LYPLAL1: variants seen among roughly 807,000 people sequenced by gnomAD.
LYPLAL1 encodes lysophospholipase like 1.
In LYPLAL1, 23 loss-of-function variants were observed where a neutral mutation model predicts 19.7. The observed-to-expected ratio is 1.17, with a 90% CI of 0.84 to 1.65. The LOEUF (loss-of-function observed/expected upper bound fraction) is 1.65, where lower values mean the gene tolerates loss of function less well. Among genes scored for constraint, LYPLAL1 ranks in the 40% most tolerant of loss-of-function variants. The pLI, the probability that LYPLAL1 is intolerant of heterozygous loss-of-function variation, is 0.00. For synonymous variants in LYPLAL1, 119 were observed against 96.3 expected, an observed-to-expected ratio of 1.24 and a Z score of -1.38; for missense variants, 355 against 279.4, an observed-to-expected ratio of 1.27 and a Z score of -1.93.
At chr1:219,360,425 C>G in the LYPLAL1 span, among the ~76,000 whole-genome samples, 1 of 152,060 alleles carries the variant, frequency 6.6e-6, no homozygotes, top group African/African-American at 2.4e-5. Flanking sequence ...AATTCGTACT[C>G]GTAGACATCG....
the LYPLAL1 span, among the ~76,000 whole-genome samples, chr1:219,219,623 A>T: frequency 6.6e-6 from 1 of 152,210 alleles, no homozygotes; most frequent in African/African-American, 2.4e-5. Flanking sequence ...GTTGGGTGGC[A>T]TCTGTCCATA....
At chr1:219,290,138 T>C in the LYPLAL1 span, among the ~76,000 whole-genome samples, 1 of 152,204 alleles carries the variant, frequency 6.6e-6, no homozygotes, top group Non-Finnish European at 1.5e-5. Context: ...ATCAGAATGC[T>C]CAGGTGTGAT....
At chr1:219,375,148 A>G in the LYPLAL1 span, among the ~76,000 whole-genome samples, 26,714 of 152,128 alleles carry the variant, frequency 0.18, 2,463 homozygotes, top group Non-Finnish European at 0.2. Context: ...AATACAGTAG[A>G]CAGATTAAAA....
At chr1:219,364,786 A>G in the LYPLAL1 span, among the ~76,000 whole-genome samples, 3 of 152,142 alleles carry the variant, frequency 2.0e-5, no homozygotes, top group East Asian at 5.8e-4. Flanking sequence ...AAATATAGTG[A>G]GTCTTTAATT....
chr1:219,377,664 T>A, the LYPLAL1 span, among the ~76,000 whole-genome samples: 14 of 152,268 alleles, frequency 9.2e-5, no homozygotes, highest in East Asian at 2.7e-3. Context: ...AATGGATACT[T>A]ATCTAAAATA....
the LYPLAL1 span, among the ~76,000 whole-genome samples, chr1:219,331,316 A>G: frequency 3.9e-5 from 6 of 152,288 alleles, no homozygotes; most frequent in East Asian, 1.9e-4. Context: ...ATAATGTCGC[A>G]TAATAAGCCA....
chr1:219,329,799 T>C, the LYPLAL1 span, among the ~76,000 whole-genome samples: 1 of 152,170 alleles, frequency 6.6e-6, no homozygotes, highest in Admixed American at 6.6e-5. Flanking sequence ...TAGAAAGAAC[T>C]TGAGTTTCAA....
chr1:219,278,336 A>G, the LYPLAL1 span, among the ~76,000 whole-genome samples: 1 of 152,212 alleles, frequency 6.6e-6, no homozygotes, highest in Non-Finnish European at 1.5e-5. Context: ...AGAGAAAGAG[A>G]AAGGGAGAGA....
At chr1:219,434,295 C>CA in the LYPLAL1 span, among the ~76,000 whole-genome samples, 2 of 152,206 alleles carry the variant, frequency 1.3e-5, no homozygotes, top group Non-Finnish European at 1.5e-5. Context: ...TTAGAGTGAA[C>CA]AATGCTTTGA....
the LYPLAL1 span, among the ~76,000 whole-genome samples, chr1:219,370,028 T>C: frequency 2.6e-5 from 4 of 152,236 alleles, no homozygotes; most frequent in Non-Finnish European, 5.9e-5. Flanking sequence ...CAGCTGTGAC[T>C]CTGTGGCTCC....
the LYPLAL1 span, among the ~76,000 whole-genome samples, chr1:219,281,379 T>C: frequency 6.6e-6 from 1 of 151,930 alleles, no homozygotes; most frequent in Non-Finnish European, 1.5e-5. Flanking sequence ...TATTTGAAAA[T>C]TGGAAAACAG....
At chr1:219,250,383 C>T in the LYPLAL1 span, among the ~76,000 whole-genome samples, 5 of 151,928 alleles carry the variant, frequency 3.3e-5, no homozygotes, top group Admixed American at 6.6e-5. Context: ...AGCGATGGCT[C>T]AAAGCATTAA....
chr1:219,416,302 G>A, the LYPLAL1 span, among the ~76,000 whole-genome samples: 16 of 152,134 alleles, frequency 1.1e-4, no homozygotes, highest in Non-Finnish European at 2.4e-4. Flanking sequence ...TGTTTCTGAG[G>A]ACCATGACAG....
At chr1:219,181,246 A>C (rs1337148631) in intron 2 of LYPLAL1, among the ~76,000 whole-genome samples, 2 of 152,180 alleles carry the variant, frequency 1.3e-5, no homozygotes, top group Non-Finnish European at 2.9e-5. Context: ...GATGCTAAAT[A>C]ATTACACTGA....
the LYPLAL1 span, among the ~76,000 whole-genome samples, chr1:219,260,634 A>G: frequency 6.7e-6 from 1 of 148,526 alleles, no homozygotes; most frequent in East Asian, 1.9e-4. Context: ...TAAATTTTAT[A>G]TGTATATAAA....
At chr1:219,421,807 C>T in the LYPLAL1 span, among the ~76,000 whole-genome samples, 1 of 151,870 alleles carries the variant, frequency 6.6e-6, no homozygotes, top group Non-Finnish European at 1.5e-5. Flanking sequence ...TAGAGAGTGA[C>T]TAAAAATAAT....
chr1:219,308,802 C>G, the LYPLAL1 span, among the ~76,000 whole-genome samples: 2 of 152,218 alleles, frequency 1.3e-5, no homozygotes, highest in African/African-American at 4.8e-5. Context: ...TCACAGAGAA[C>G]CTCTGCTAGA....
the LYPLAL1 span, among the ~76,000 whole-genome samples, chr1:219,372,542 A>G: frequency 6.6e-6 from 1 of 152,320 alleles, no homozygotes; most frequent in East Asian, 1.9e-4. Context: ...AGATAACAAA[A>G]AAAGTTTCAC....
intron 2 of LYPLAL1, 33 bp from the exon 3 acceptor site, chr1:219,193,049 C>CT (rs1553299848): frequency 4.0e-4 from 548 of 1,376,332 alleles, no homozygotes; most frequent in Middle Eastern, 9.8e-4. Flanking sequence ...CTTTTCCTTT[C>CT]TTTTTTTTTG....
Sources: allele counts gnomAD v4.1 joint callset (sites outside exome capture counted in the v4.1 genomes callset), GRCh38; gene constraint gnomAD v4.1.1; transcripts MANE v1.5; gene names NCBI Gene and HGNC (gene_info 2026-07-23, HGNC 2026-07-21).